Variants in KCNG3 observed in about 807,000 individuals in gnomAD.
KCNG3 encodes voltage-gated potassium channel regulatory subunit KCNG3.
KCNG3 carries 15 observed loss-of-function variants against 29.0 expected under a neutral mutation model. The ratio of observed to expected loss-of-function variants is 0.52; its 90% CI spans 0.35 to 0.80. The LOEUF is 0.80. KCNG3 is among the 30% of genes least tolerant of loss of function. The pLI is 0.01. For synonymous variants in KCNG3, 322 were observed against 248.9 expected (o/e 1.29, Z -2.76); for missense variants, 512 against 605.7 (o/e 0.85, Z 1.62).
chr2:42,397,344 A>G, the KCNG3 span, among the ~76,000 whole-genome samples: 2 of 152,172 alleles, frequency 1.3e-5, no homozygotes, highest in South Asian at 4.1e-4. Context: ...AAGGTATAGT[A>G]TATGTTACTT....
chr2:42,471,125 C>T (rs1041783364), intron 1 of KCNG3, among the ~76,000 whole-genome samples: 8 of 150,490 alleles, frequency 5.3e-5, no homozygotes, highest in African/African-American at 2.0e-4. Flanking sequence ...GAACTCCAGC[C>T]TGGGCAACAG....
chr2:42,405,757 G>A, the KCNG3 span, among the ~76,000 whole-genome samples: 4 of 152,186 alleles, frequency 2.6e-5, no homozygotes, highest in South Asian at 2.1e-4. Flanking sequence ...ACAGGCACCC[G>A]TCACCAAGCC....
chr2:42,464,202 C>G (rs1414496629), intron 1 of KCNG3, among the ~76,000 whole-genome samples: 1 of 152,188 alleles, frequency 6.6e-6, no homozygotes, highest in African/African-American at 2.4e-5. Flanking sequence ...GTACTAGGTA[C>G]TCACTGCAAA....
intron 1 of KCNG3, among the ~76,000 whole-genome samples, chr2:42,456,297 G>A (rs1269705704): frequency 6.6e-6 from 1 of 152,082 alleles, no homozygotes; most frequent in Non-Finnish European, 1.5e-5. Context: ...CAACGCAGGA[G>A]GATTACTTGA....
At chr2:42,476,282 G>C (rs1399469391) in intron 1 of KCNG3, among the ~76,000 whole-genome samples, 2 of 150,756 alleles carry the variant, frequency 1.3e-5, no homozygotes, top group Non-Finnish European at 3.0e-5. Flanking sequence ...GACCAGCCTG[G>C]GCAACATAGA....
the KCNG3 span, among the ~76,000 whole-genome samples, chr2:42,420,098 C>T: frequency 6.6e-6 from 1 of 152,236 alleles, no homozygotes; most frequent in Middle Eastern, 3.4e-3. Flanking sequence ...GTGGCGGGCC[C>T]CTATAATCCC....
At chr2:42,428,380 G>A in the KCNG3 span, among the ~76,000 whole-genome samples, 4 of 150,016 alleles carry the variant, frequency 2.7e-5, no homozygotes, top group African/African-American at 9.8e-5. Context: ...AGAATCCCCT[G>A]AGCCTGGGAG....
chr2:42,393,620 T>C, the KCNG3 span, among the ~76,000 whole-genome samples: 1 of 152,106 alleles, frequency 6.6e-6, no homozygotes, highest in Non-Finnish European at 1.5e-5. Flanking sequence ...AGCAGCTTCA[T>C]AGTACTGTTA....
intron 1 of KCNG3, among the ~76,000 whole-genome samples, chr2:42,490,153 C>T (rs567920657): frequency 2.0e-5 from 3 of 152,320 alleles, no homozygotes; most frequent in East Asian, 3.9e-4. Flanking sequence ...ACTGGACTCA[C>T]GCTTCCATAA....
At chr2:42,475,097 T>C (rs1673390065) in intron 1 of KCNG3, among the ~76,000 whole-genome samples, 1 of 152,166 alleles carries the variant, frequency 6.6e-6, no homozygotes, top group Admixed American at 6.6e-5. Flanking sequence ...CTGTAATATA[T>C]TTTGATACTT....
chr2:42,447,561 G>T (rs1340527230), intron 1 of KCNG3, among the ~76,000 whole-genome samples: 1 of 151,268 alleles, frequency 6.6e-6, no homozygotes, highest in African/African-American at 2.4e-5. Context: ...CGTCAACCAT[G>T]CTGGAGTGCA....
chr2:42,392,615 G>T, the KCNG3 span, among the ~76,000 whole-genome samples: 2 of 152,088 alleles, frequency 1.3e-5, no homozygotes, highest in Non-Finnish European at 2.9e-5. Flanking sequence ...AAAGAGATGG[G>T]AGCTCGGTCT....
rs548958601 is a variant in KCNG3 at position 42,472,563 on chromosome 2, G to A, written c.665+20274C>T. Among the ~76,000 whole-genome samples the A allele has an allele frequency of 1.1e-4, 16 of 149,816 alleles. No individual in the cohort carries two copies. The East Asian group carries it at 2.6e-3, about 24-fold the overall frequency. Reference sequence around the variant, plus strand: ...TACCCAGGCTGGAGTGCACTGGCACGATCTCGGCTCACTGCAACCTCTCTC... The same window carrying A: ...TACCCAGGCTGGAGTGCACTGGCACAATCTCGGCTCACTGCAACCTCTCTC... On this transcript the variant is annotated intron_variant, in intron 1 of 1. Coordinates refer to ENST00000306078, the MANE Select transcript of KCNG3 (RefSeq NM_133329.6).
In KCNG3 at chr2:42,459,199, C is replaced by CAAAA. The variant is rs557483168; in HGVS notation, c.666-14624_666-14621dup. On this transcript the variant is annotated intron_variant, in intron 1 of 1. Transcript: ENST00000306078. ...CAACAAGAGCGAAACTCCATCGTCT[C>CAAAA]AAAAAAAAAAAAAAATAGAGAGAGT... Among the ~76,000 whole-genome samples, 2 of 129,674 alleles carry CAAAA rather than the reference C, an allele frequency of 1.5e-5. 1 individual carries two copies. Among genetic ancestry groups the CAAAA allele is most frequent in the Non-Finnish European group, 3.3e-5 (2 of 61,278 alleles). The allele number at this position is 129,674 out of a possible 152,430, so 85.1% of individuals were successfully genotyped here. A position where few individuals can be genotyped will look rare whatever the true frequency, so the allele number is the denominator to read the frequency against.
At position 42,493,261 on chromosome 2, in the gene KCNG3, C is replaced by A; in HGVS notation, c.241G>T (p.Gly81Cys). ...ATCCGCGGCGCGAAGCGCAGCTTGC[C>A]GTGGCCGCGCACGTAGAGCAGGATG... The part of the protein sequence containing the change: ...GFILLYVRGH[G>C]KLRFAPRMCE... Residue 81 changes from glycine to cysteine, a missense_variant, in exon 1 of 2, where the codon GGC becomes TGC. By Grantham distance (159) the Gly-to-Cys change is radical (BLOSUM62 -3). Transcript: ENST00000306078. 1 of 1,612,184 alleles carries A rather than the reference C, an allele frequency of 6.2e-7. No individual in the cohort carries two copies. The highest frequency in any genetic ancestry group is 1.1e-5 in the South Asian group (1 of 91,036).
intron 1 of KCNG3, among the ~76,000 whole-genome samples, chr2:42,479,356 T>C (rs1673522149): frequency 6.6e-6 from 1 of 151,968 alleles, no homozygotes; most frequent in Non-Finnish European, 1.5e-5. Context: ...CATATAAAAG[T>C]GGAATAGCCA....
chr2:42,424,334 T>C, the KCNG3 span, among the ~76,000 whole-genome samples: 1 of 151,968 alleles, frequency 6.6e-6, no homozygotes, highest in Admixed American at 6.6e-5. Flanking sequence ...GGGACAGAGA[T>C]GATGGGACTT....
intron 1 of KCNG3, chr2:42,463,877 A>C: frequency 7.0e-6 from 2 of 284,868 alleles, no homozygotes; most frequent in Non-Finnish European, 1.4e-5. Context: ...TAGTTTGTAA[A>C]TTCTAATCCC....
At chr2:42,394,839 G>A in the KCNG3 span, among the ~76,000 whole-genome samples, 1 of 152,168 alleles carries the variant, frequency 6.6e-6, no homozygotes, top group Admixed American at 6.5e-5. Context: ...CTCAACCTTG[G>A]CAACATAAAC....
Sources: gnomAD v4.1 joint callset for allele counts (sites outside exome capture counted in the v4.1 genomes callset) on GRCh38, gnomAD v4.1.1 for gene constraint, MANE v1.5 for transcripts, NCBI Gene and HGNC (gene_info 2026-07-23, HGNC 2026-07-21) for gene names.